The following ADIPOR2 variants were observed in gnomAD, a reference collection of about 807,000 sequenced individuals.
The protein encoded by ADIPOR2 is adiponectin receptor 2.
Under a neutral mutation model 40.9 loss-of-function variants are expected in ADIPOR2, and 18 were observed. That is an observed-to-expected ratio of 0.44 (90% CI 0.30 to 0.65). ADIPOR2 has a LOEUF of 0.65. ADIPOR2 is among the 30% of genes least tolerant of loss of function. The probability of loss-of-function intolerance (pLI) is 0.09; values close to 1 mark genes in which losing one functional copy is unlikely to be tolerated. For synonymous variants in ADIPOR2, 165 were observed against 166.4 expected, an observed-to-expected ratio of 0.99 and a Z score of 0.06; for missense variants, 283 against 479.2, an observed-to-expected ratio of 0.59 and a Z score of 3.82.
intron 1 of ADIPOR2, among the ~76,000 whole-genome samples, chr12:1,722,915 A>T (rs1364868465): frequency 6.6e-6 from 1 of 152,212 alleles, no homozygotes; most frequent in African/African-American, 2.4e-5. Flanking sequence ...TCATTATACC[A>T]AAATGCTCCT....
At chr12:1,760,430 G>A (rs1862241280) in intron 2 of ADIPOR2, among the ~76,000 whole-genome samples, 1 of 151,934 alleles carries the variant, frequency 6.6e-6, no homozygotes, top group Non-Finnish European at 1.5e-5. Context: ...TCTAACTTTA[G>A]GACATTTTTA....
chr12:1,760,110 C>T (rs115147729), intron 2 of ADIPOR2, among the ~76,000 whole-genome samples: 2,134 of 151,884 alleles, frequency 0.014, 45 homozygotes, highest in African/African-American at 0.049. Flanking sequence ...TAAACAAAAC[C>T]CAAACCAGTG....
chr12:1,729,047 T>C (rs1254606370), intron 1 of ADIPOR2, among the ~76,000 whole-genome samples: 3 of 151,518 alleles, frequency 2.0e-5, no homozygotes, highest in East Asian at 3.9e-4. Context: ...TTCTGTGTGC[T>C]TTAAATCTTT....
chr12:1,720,339 TG>T (rs2094695382), intron 1 of ADIPOR2, among the ~76,000 whole-genome samples: 1 of 152,046 alleles, frequency 6.6e-6, no homozygotes, highest in Non-Finnish European at 1.5e-5. Flanking sequence ...CATGGACTGG[TG>T]GGCAGGGGGT....
Position 1,786,082 on chromosome 12 carries a change from G to A in ADIPOR2, c.*10G>A, listed in dbSNP as rs954028523. 3.1e-6 allele frequency: 5 copies of A among 1,613,022 alleles called. No homozygotes were observed. The highest frequency in any genetic ancestry group is 4.2e-6 in the Non-Finnish European group (5 of 1,179,816). On this transcript the variant is annotated 3_prime_UTR_variant, in exon 8 of 8. Transcript: ENST00000357103. ...AGAGGATGCACTGTGATACCTACCAGTCTCCAGGGACTATGACCCTAAACC... is the reference window on the plus strand; with the variant it reads ...AGAGGATGCACTGTGATACCTACCAATCTCCAGGGACTATGACCCTAAACC...
intron 2 of ADIPOR2, among the ~76,000 whole-genome samples, chr12:1,763,061 A>G (rs943210527): frequency 6.6e-6 from 1 of 152,242 alleles, no homozygotes; most frequent in Non-Finnish European, 1.5e-5. Flanking sequence ...CTGTGTGTAC[A>G]GTTAGATTAC....
In ADIPOR2 at chr12:1,767,455, A is replaced by G. The variant is rs184330722; in HGVS notation, c.172-5387A>G. The stretch of plus-strand genomic sequence containing the variant: ...GTTATTCTTTTGGAGAATACTGGGT[A>G]TACATCCATCAATACTTATTCTTCA... On this transcript the variant is annotated intron_variant, in intron 2 of 7. Coordinates refer to ENST00000357103, the MANE Select transcript of ADIPOR2 (RefSeq NM_024551.3). Among the ~76,000 whole-genome samples the G allele has an allele frequency of 1.1e-3, 172 of 152,222 alleles. 1 individual carries two copies. Among genetic ancestry groups the G allele is most frequent in the African/African-American group, 3.9e-3 (163 of 41,536 alleles).
At chr12:1,778,075 T>C in intron 4 of ADIPOR2, 50 bp downstream of exon 4, 1 of 1,557,786 alleles carries the variant, frequency 6.4e-7, no homozygotes, top group Non-Finnish European at 8.7e-7. Context: ...TTCTTCCTTT[T>C]TATTTTCATG....
intron 6 of ADIPOR2, among the ~76,000 whole-genome samples, chr12:1,782,436 G>A (rs1435976718): frequency 6.6e-6 from 1 of 152,218 alleles, no homozygotes. Context: ...AGCAGTTACT[G>A]GCAGAGGCAG....
chr12:1,778,200 C>G lies in ADIPOR2; in HGVS notation c.463+175C>G, dbSNP rs1862639242. On this transcript the variant is annotated intron_variant, in intron 4 of 7. Transcript: ENST00000357103. ...TACTCGTAGTTTATCCTGGTTTGCA[C>G]TATGATTTTGTTATAACTTAAGTTA... is the stretch of plus-strand genomic sequence containing the variant. 4.3e-6 allele frequency: 3 copies of G among 694,498 alleles called. No homozygotes were observed. The South Asian group carries it at 7.3e-5, about 17-fold the overall frequency. The allele number at this position is 694,498 out of a possible 1,614,324, so 43.0% of individuals were successfully genotyped here.
chr12:1,723,224 C>T (rs2094701199), intron 1 of ADIPOR2, among the ~76,000 whole-genome samples: 2 of 152,126 alleles, frequency 1.3e-5, no homozygotes, highest in South Asian at 2.1e-4. Context: ...GAACATGGAT[C>T]ATGTTTAATT....
chr12:1,729,447 TA>T, intron 1 of ADIPOR2, among the ~76,000 whole-genome samples: 1 of 151,576 alleles, frequency 6.6e-6, no homozygotes, highest in South Asian at 2.1e-4. Context: ...ATAAAGCTTT[TA>T]AAAAATAATA....
At chr12:1,710,036 A>G (rs1031291684) in intron 1 of ADIPOR2, among the ~76,000 whole-genome samples, 2 of 152,160 alleles carry the variant, frequency 1.3e-5, no homozygotes, top group Non-Finnish European at 2.9e-5. Context: ...ACATGGTGTA[A>G]ATGAGAGGAT....
intron 2 of ADIPOR2, among the ~76,000 whole-genome samples, 166 bp downstream of exon 2, chr12:1,754,680 CTT>C (rs1410957887): frequency 6.8e-6 from 1 of 146,532 alleles, no homozygotes; most frequent in East Asian, 2.0e-4. Flanking sequence ...CTTGAAGTCT[CTT>C]ATCTTTATTA....
chr12:1,763,923 G>A (rs1267753329), intron 2 of ADIPOR2, among the ~76,000 whole-genome samples: 1 of 152,192 alleles, frequency 6.6e-6, no homozygotes, highest in East Asian at 1.9e-4. Context: ...AGGCTGCAGT[G>A]AGCCATGATT....
intron 1 of ADIPOR2, among the ~76,000 whole-genome samples, chr12:1,711,853 G>A (rs1182061308): frequency 6.6e-6 from 1 of 152,126 alleles, no homozygotes; most frequent in African/African-American, 2.4e-5. Context: ...ATAACTCCGT[G>A]ATTTCCTTAT....
At position 1,720,365 on chromosome 12, in the gene ADIPOR2, TG is replaced by T. The variant is rs373213159; in HGVS notation, c.-87+29177del. Among the ~76,000 whole-genome samples, 662 of 152,296 alleles carry T rather than the reference TG, an allele frequency of 4.3e-3. 5 individuals are homozygous for T. The highest frequency in any genetic ancestry group is 0.015 in the African/African-American group (631 of 41,546). ...GGGCAGGGGGTGGAGGGGATGGTTT[TG>T]GGATGATCCAAGCACATTACATTTA... On this transcript the variant is annotated intron_variant, in intron 1 of 7. Coordinates refer to ENST00000357103, the MANE Select transcript of ADIPOR2 (RefSeq NM_024551.3).
At chr12:1,744,113 A>G (rs1451381845) in intron 1 of ADIPOR2, among the ~76,000 whole-genome samples, 4 of 143,084 alleles carry the variant, frequency 2.8e-5, no homozygotes, top group Admixed American at 2.1e-4. Context: ...TTTTTTCTGT[A>G]TTTTTTTTTT....
intron 1 of ADIPOR2, among the ~76,000 whole-genome samples, chr12:1,733,210 C>A (rs1243646743): frequency 1.3e-5 from 2 of 152,174 alleles, no homozygotes; most frequent in Non-Finnish European, 2.9e-5. Flanking sequence ...TGTTTGCTAT[C>A]TGAATCTTCT....
Sources: gnomAD v4.1 joint callset for allele counts (sites outside exome capture counted in the v4.1 genomes callset) on GRCh38, gnomAD v4.1.1 for gene constraint, MANE v1.5 for transcripts, NCBI Gene and HGNC (gene_info 2026-07-23, HGNC 2026-07-21) for gene names.